CPEB1: variants seen among roughly 807,000 people sequenced by gnomAD.
CPEB1 encodes the protein cytoplasmic polyadenylation element-binding protein 1.
A neutral mutation model predicts 65.8 loss-of-function variants in CPEB1; 7 were observed. That is an observed-to-expected ratio of 0.11 (90% CI 0.06 to 0.20). The LOEUF (loss-of-function observed/expected upper bound fraction) is 0.20. Among genes scored for constraint, CPEB1 ranks in the 10% least tolerant of loss-of-function variants. The pLI, the probability that CPEB1 is intolerant of heterozygous loss-of-function variation, is 1.00. For missense variants in CPEB1, 551 were observed against 712.2 expected (o/e 0.77, Z 2.58); for synonymous variants, 262 against 260.0 (o/e 1.01, Z -0.08).
At chr15:82,647,850 T>C (rs2047712877), upstream of CPEB1, 4 of 1,272,082 alleles carry the variant, frequency 3.1e-6, no homozygotes, top group Non-Finnish European at 4.0e-6. Context: ...GGCGGGTGGC[T>C]CTTACCAGCG....
intron 3 of CPEB1, among the ~76,000 whole-genome samples, chr15:82,611,154 A>G (rs2044119988): frequency 1.3e-5 from 2 of 151,826 alleles, no homozygotes; most frequent in Admixed American, 1.3e-4. Flanking sequence ...AACAAAAGGC[A>G]TCTAGATGGA....
At position 82,549,494 on chromosome 15, in the gene CPEB1, G is replaced by A. The variant is rs113780893; in HGVS notation, c.1446C>T (p.Ala482=). 32 of 1,614,086 alleles carry A rather than the reference G, an allele frequency of 2.0e-5. No individual in the cohort carries two copies. Among genetic ancestry groups the A allele is most frequent in the African/African-American group, 4.0e-5 (3 of 75,014 alleles). Residue 482 remains alanine (A), a synonymous_variant, in exon 10 of 13, where the codon GCC becomes GCT. Coordinates refer to ENST00000684509, the MANE Select transcript of CPEB1 (RefSeq NM_001365242.1). ...ACTTGTGCTTATCTGTGTCAATCCC[G>A]GCATACACCACTCCACCAAATAGGT... ...LNDLFGGVVY[A]GIDTDKHKYP... is the part of the protein sequence containing the mutation.
At chr15:82,580,750 T>G (rs1025372005) in intron 3 of CPEB1, among the ~76,000 whole-genome samples, 2 of 152,226 alleles carry the variant, frequency 1.3e-5, no homozygotes, top group Non-Finnish European at 2.9e-5. Flanking sequence ...GTAGGGACCT[T>G]GTAAGTGGAA....
chr15:82,614,873 G>T (rs983384917), intron 3 of CPEB1, among the ~76,000 whole-genome samples: 15 of 120,194 alleles, frequency 1.2e-4, no homozygotes, highest in African/African-American at 4.4e-4. Context: ...GTGTGTGTGT[G>T]TGTGTGTATA....
chr15:82,642,754 G>A (rs1258050811), intron 1 of CPEB1, among the ~76,000 whole-genome samples: 1 of 152,016 alleles, frequency 6.6e-6, no homozygotes, highest in Non-Finnish European at 1.5e-5. Context: ...TTTATATACC[G>A]CCTAGGAAAA....
chr15:82,582,856 C>T (rs961724711), intron 3 of CPEB1, among the ~76,000 whole-genome samples: 22 of 151,226 alleles, frequency 1.5e-4, no homozygotes, highest in African/African-American at 5.4e-4. Context: ...ATTCTCCTGC[C>T]TCAGCCTCCC....
At chr15:82,591,887 GGCTGGAGT>G (rs913645330) in intron 3 of CPEB1, among the ~76,000 whole-genome samples, 1 of 149,440 alleles carries the variant, frequency 6.7e-6, no homozygotes, top group Admixed American at 6.7e-5. Context: ...CTGTCACCCA[GGCTGGAGT>G]GCAAGTGGCA....
At chr15:82,589,583 A>G (rs1012413884) in intron 3 of CPEB1, among the ~76,000 whole-genome samples, 1 of 152,154 alleles carries the variant, frequency 6.6e-6, no homozygotes, top group Non-Finnish European at 1.5e-5. Context: ...GTCTCTACCA[A>G]AAATACAAAA....
Position 82,627,355 on chromosome 15 carries a change from C to T in CPEB1, c.109G>A (p.Gly37Arg). ...TTGTCCCAGCAATCTTTTATCCTTC[C>T]TGCTTCTTCTTCCTAGACACAGAAA... is the stretch of plus-strand genomic sequence containing the variant. Reference protein sequence around the residue: ...LLLIPLEEEAGRIKDCWDNQE... With the variant: ...LLLIPLEEEARRIKDCWDNQE... Residue 37 changes from glycine to arginine, a missense_variant, in exon 3 of 13, where the codon GGA becomes AGA. Gly to Arg is a moderately radical substitution (Grantham distance 125). Transcript: ENST00000684509. The T allele has an allele frequency of 1.2e-6, 2 of 1,611,536 alleles. No homozygotes were observed. The highest frequency in any genetic ancestry group is 1.7e-6 in the Non-Finnish European group (2 of 1,179,002).
At position 82,612,842 on chromosome 15, in the gene CPEB1, GAACA is replaced by G. The variant is rs150222615; in HGVS notation, c.271+14347_271+14350del. On this transcript the variant is annotated intron_variant, in intron 3 of 12. Coordinates refer to ENST00000684509, the MANE Select transcript of CPEB1 (RefSeq NM_001365242.1). ...TAGTGAGACTCTGTCTCAAAAAAAA[GAACA>G]AACAAACAAACAAACAAACAAAACA... Among the ~76,000 whole-genome samples, 328 of 50,542 alleles carry G rather than the reference GAACA, an allele frequency of 6.5e-3. 2 individuals carry two copies. Among genetic ancestry groups the G allele is most frequent in the African/African-American group, 0.021 (225 of 10,916 alleles). The allele number at this position is 50,542 out of a possible 152,430, so 33.2% of individuals were successfully genotyped here. A position where few individuals can be genotyped will look rare whatever the true frequency, so the allele number is the denominator to read the frequency against.
chr15:82,597,196 C>T (rs1214956224), intron 3 of CPEB1, among the ~76,000 whole-genome samples: 1 of 152,154 alleles, frequency 6.6e-6, no homozygotes, highest in Non-Finnish European at 1.5e-5. Flanking sequence ...TGTAGTGGCA[C>T]ATGCTTGTAG....
chr15:82,606,547 G>A (rs1173432415), intron 3 of CPEB1, among the ~76,000 whole-genome samples: 1,176 of 109,894 alleles, frequency 0.011, 76 homozygotes, highest in Middle Eastern at 0.026. Context: ...GGCCGGGCGC[G>A]GTGGCTCACG....
intron 3 of CPEB1, among the ~76,000 whole-genome samples, chr15:82,607,514 G>A (rs1047655913): frequency 2.0e-5 from 3 of 152,102 alleles, no homozygotes; most frequent in Non-Finnish European, 2.9e-5. Flanking sequence ...CTTGAACTGG[G>A]AAGCAGAAGT....
intron 3 of CPEB1, among the ~76,000 whole-genome samples, chr15:82,584,903 C>CTTTTTTTTTT (rs3080692): frequency 0.21 from 16,858 of 81,094 alleles, 3,794 homozygotes; most frequent in African/African-American, 0.4. Context: ...TCCTAATTTG[C>CTTTTTTTTTT]TTTTTTTTTT....
chr15:82,558,926 A>T (rs1451731243), intron 4 of CPEB1, among the ~76,000 whole-genome samples: 1 of 150,892 alleles, frequency 6.6e-6, no homozygotes, highest in African/African-American at 2.5e-5. Flanking sequence ...GGGTGTGCTA[A>T]ATCTAGGAAA....
In CPEB1 at chr15:82,589,721, CA is replaced by C. The variant is rs545143207; in HGVS notation, c.272-18190del. On this transcript the variant is annotated intron_variant, in intron 3 of 12. Transcript: ENST00000684509. ...GGGCAACAGAGCAAGACTCCAACTC[CA>C]AAAAAAAAAAAAATTGTATTACAGT... Among the ~76,000 whole-genome samples the C allele has an allele frequency of 2.8e-3, 394 of 139,108 alleles. 1 individual carries two copies. The highest frequency in any genetic ancestry group is 0.015 in the Middle Eastern group (4 of 264). The allele number at this position is 139,108 out of a possible 152,430, so 91.3% of individuals were successfully genotyped here. A position where few individuals can be genotyped will look rare whatever the true frequency, so the allele number is the denominator to read the frequency against.
At chr15:82,626,134 A>G (rs2045751280) in intron 3 of CPEB1, among the ~76,000 whole-genome samples, 1 of 150,780 alleles carries the variant, frequency 6.6e-6, no homozygotes, top group South Asian at 2.1e-4. Flanking sequence ...AAAAGAAAGA[A>G]AAACAAAATA....
At chr15:82,563,744 A>C (rs950074035) in intron 4 of CPEB1, among the ~76,000 whole-genome samples, 2 of 152,088 alleles carry the variant, frequency 1.3e-5, no homozygotes, top group Non-Finnish European at 2.9e-5. Context: ...AACACGAACA[A>C]TAGGAGGTTC....
chr15:82,602,262 C>T (rs1001534034), intron 3 of CPEB1, among the ~76,000 whole-genome samples: 3 of 152,110 alleles, frequency 2.0e-5, no homozygotes, highest in African/African-American at 7.2e-5. Context: ...CAGGGACCAA[C>T]AAGACATCCA....
Sources: allele counts gnomAD v4.1 joint callset (sites outside exome capture counted in the v4.1 genomes callset), GRCh38; gene constraint gnomAD v4.1.1; transcripts MANE v1.5; gene names NCBI Gene and HGNC (gene_info 2026-07-23, HGNC 2026-07-21).